The following CFAP54 variants were observed in gnomAD, a reference collection of about 807,000 sequenced individuals.
CFAP54 encodes cilia- and flagella-associated protein 54.
A neutral mutation model predicts 370.4 loss-of-function variants in CFAP54; 290 were observed. The observed-to-expected ratio is 0.78, with a 90% CI of 0.71 to 0.86. The LOEUF (loss-of-function observed/expected upper bound fraction) is 0.86, where lower values mean the gene tolerates loss of function less well. CFAP54 is among the 40% of genes least tolerant of loss of function. The probability of loss-of-function intolerance (pLI) is 0.00; values close to 1 mark genes in which losing one functional copy is unlikely to be tolerated. For missense variants in CFAP54, 3,399 were observed against 3,528.7 expected (o/e 0.96, Z 0.93); for synonymous variants, 1,206 against 1,236.5 (o/e 0.98, Z 0.52).
intron 66 of CFAP54, among the ~76,000 whole-genome samples, chr12:96,831,848 G>T (rs1232764139): frequency 1.3e-5 from 2 of 152,018 alleles, no homozygotes; most frequent in East Asian, 3.9e-4. Context: ...TATTCATTTG[G>T]CCATTTATGT....
At chr12:96,826,309 C>A (rs1959101529) in intron 65 of CFAP54, among the ~76,000 whole-genome samples, 1 of 140,212 alleles carries the variant, frequency 7.1e-6, no homozygotes, top group African/African-American at 2.6e-5. Context: ...ATATAGAAGA[C>A]AATATATATA....
chr12:96,777,532 A>G (rs1304420957), intron 60 of CFAP54, among the ~76,000 whole-genome samples: 3 of 152,088 alleles, frequency 2.0e-5, no homozygotes, highest in Non-Finnish European at 4.4e-5. Flanking sequence ...TATTTTTAGT[A>G]GAGACGGGGT....
At chr12:96,658,149 G>GAAAA in intron 37 of CFAP54, 44 bp downstream of exon 37, 10 of 1,332,362 alleles carry the variant, frequency 7.5e-6, no homozygotes, top group Non-Finnish European at 9.2e-6. Flanking sequence ...AGACTTCATT[G>GAAAA]AAAAAAAAAA....
At chr12:96,691,377 T>C in intron 44 of CFAP54, 67 bp downstream of exon 44, 1 of 1,194,438 alleles carries the variant, frequency 8.4e-7, no homozygotes. Flanking sequence ...CTCATACTTT[T>C]AAAATTTTGC....
At chr12:96,749,078 G>A (rs890696876) in intron 55 of CFAP54, among the ~76,000 whole-genome samples, 1 of 152,186 alleles carries the variant, frequency 6.6e-6, no homozygotes, top group South Asian at 2.1e-4. Flanking sequence ...CTGTTTGACT[G>A]CTGTAACAAA....
intron 29 of CFAP54, among the ~76,000 whole-genome samples, chr12:96,626,385 C>CAAAAAAAAAAAAA (rs1357363121): frequency 8.8e-6 from 1 of 113,622 alleles, no homozygotes; most frequent in South Asian, 2.6e-4. Context: ...GACTCTGTCT[C>CAAAAAAAAAAAAA]AAAAAACAAA....
intron 62 of CFAP54, among the ~76,000 whole-genome samples, chr12:96,788,674 T>A (rs7972337): frequency 0.36 from 54,701 of 151,788 alleles, 10,444 homozygotes; most frequent in South Asian, 0.54. Flanking sequence ...TTTTTTTTTT[T>A]AAAAATCACT....
At chr12:96,579,688 A>T (rs1956013013) in intron 20 of CFAP54, among the ~76,000 whole-genome samples, 1 of 152,126 alleles carries the variant, frequency 6.6e-6, no homozygotes. Context: ...TGGCTTGTTC[A>T]TAATACTACC....
chr12:96,600,053 T>C lies in CFAP54; in HGVS notation c.3639+1286T>C, dbSNP rs369339206. ...GCTTTTGTTGCCATTGCTTTTGGTG[T>C]TTTAGTCATGAAGTCTTTGCCCATG... On this transcript the variant is annotated intron_variant, in intron 26 of 67. Transcript: ENST00000524981. Among the ~76,000 whole-genome samples, 8 of 152,218 alleles carry C rather than the reference T, an allele frequency of 5.3e-5. 1 individual carries two copies. Among genetic ancestry groups the C allele is most frequent in the East Asian group, 1.9e-4 (1 of 5,202 alleles).
intron 50 of CFAP54, among the ~76,000 whole-genome samples, chr12:96,726,733 A>C (rs1367457693): frequency 6.6e-6 from 1 of 151,108 alleles, no homozygotes; most frequent in African/African-American, 2.4e-5. Flanking sequence ...GAATGTGTTC[A>C]CTCTTGCTTT....
chr12:96,860,715 A>G (rs1291268124), intron 66 of CFAP54, 104 bp from the exon 67 acceptor site: 6 of 1,169,808 alleles, frequency 5.1e-6, no homozygotes, highest in East Asian at 2.7e-5. Context: ...CAAGTTAGCT[A>G]TCTTTCATAT....
intron 30 of CFAP54, among the ~76,000 whole-genome samples, chr12:96,629,822 G>A (rs542656487): frequency 2.0e-5 from 3 of 152,166 alleles, no homozygotes; most frequent in Non-Finnish European, 4.4e-5. Context: ...TTGCTCAGTT[G>A]CTCTTAAACT....
chr12:96,720,552 C>A lies in CFAP54; in HGVS notation c.6952C>A (p.Arg2318=). The change falls in exon 50 of 68, where the codon CGG becomes AGG. Residue 2318 remains arginine, a synonymous_variant. Coordinates refer to ENST00000524981, the MANE Select transcript of CFAP54 (RefSeq NM_001306084.2). ...GGCTGCAGTTGCTCTGCAGAGGCAC[C>A]GGGCGGCATACAGGTGCGTCTCTCC... ...QLAAVALQRH[R]AAYSAAIVFS... The A allele has an allele frequency of 1.3e-6, 2 of 1,551,444 alleles. No individual in the cohort carries two copies. Among genetic ancestry groups the A allele is most frequent in the East Asian group, 2.4e-5 (1 of 41,668 alleles).
intron 66 of CFAP54, among the ~76,000 whole-genome samples, chr12:96,846,222 T>G (rs1306902727): frequency 6.6e-6 from 1 of 152,242 alleles, no homozygotes; most frequent in African/African-American, 2.4e-5. Context: ...ACACATTGAA[T>G]GTAGCCATTT....
chr12:96,707,620 T>C (rs1957560381), intron 47 of CFAP54, among the ~76,000 whole-genome samples: 3 of 152,070 alleles, frequency 2.0e-5, no homozygotes, highest in Admixed American at 2.0e-4. Flanking sequence ...TGTGTGCCGA[T>C]AGGAATGTTT....
In CFAP54 at chr12:96,538,516, A is replaced by C. The variant is rs1283703205; in HGVS notation, c.1924A>C (p.Lys642Gln). 6.5e-7 allele frequency: 1 copy of C among 1,535,560 alleles called. No individual in the cohort carries two copies. Among genetic ancestry groups the C allele is most frequent in the Non-Finnish European group, 8.7e-7 (1 of 1,146,598 alleles). Residue 642 changes from lysine to glutamine, a missense_variant and splice_region_variant, in exon 13 of 68, where the codon AAA becomes CAA. This residue lies in a region of CFAP54 where 2,796 missense variants were observed against 2,869.7 expected (regional missense o/e 0.97). Coordinates refer to ENST00000524981, the MANE Select transcript of CFAP54 (RefSeq NM_001306084.2). ...ATTCACCCAGAAAATCAGTACTAAC[A>C]AAGTATTCCTTTCGCATTCCCTTTC... The part of the protein sequence containing the change: ...AKFTQKISTN[K>Q]WIYLLWQINE...
At chr12:96,806,053 A>C (rs1280507417) in intron 63 of CFAP54, among the ~76,000 whole-genome samples, 1 of 149,544 alleles carries the variant, frequency 6.7e-6, no homozygotes, top group African/African-American at 2.5e-5. Flanking sequence ...AACTACAAAG[A>C]GTGGGAGGGT....
chr12:96,765,056 TA>T lies in CFAP54; in HGVS notation c.8140-19del. 2 of 1,389,206 alleles carry T rather than the reference TA, an allele frequency of 1.4e-6. No individual in the cohort carries two copies. Among genetic ancestry groups the T allele is most frequent in the Non-Finnish European group, 1.9e-6 (2 of 1,052,638 alleles). 86.1% of individuals were successfully genotyped at this position (1,389,206 alleles called of 1,614,324 possible). ...ATTAGAAAGCTTATATTTATAATTC[TA>T]ATTTATGCATTAATTGTAGGTCAGT... On this transcript the variant is annotated intron_variant, in intron 59 of 67. Coordinates refer to ENST00000524981, the MANE Select transcript of CFAP54 (RefSeq NM_001306084.2).
At chr12:96,502,510 T>G (rs1249916345) in intron 2 of CFAP54, among the ~76,000 whole-genome samples, 1 of 152,072 alleles carries the variant, frequency 6.6e-6, no homozygotes, top group Non-Finnish European at 1.5e-5. Context: ...TGTGGAAAAT[T>G]TTTTTTAAAC....
Sources: gnomAD v4.1 joint callset for allele counts (sites outside exome capture counted in the v4.1 genomes callset) on GRCh38, gnomAD v4.1.1 for gene constraint, gnomAD v4.1.1 regional missense constraint, MANE v1.5 for transcripts, NCBI Gene and HGNC (gene_info 2026-07-23, HGNC 2026-07-21) for gene names.